Variants in MACF1 observed in about 807,000 individuals in gnomAD.
MACF1 encodes the protein microtubule actin crosslinking factor 1, also known as microtubule-actin cross-linking factor 1.
MACF1 carries 193 observed loss-of-function variants against 854.8 expected under a neutral mutation model. The observed-to-expected ratio is 0.23, with a 90% CI of 0.20 to 0.25. The LOEUF is 0.25. Among genes scored for constraint, MACF1 ranks in the 10% least tolerant of loss-of-function variants. The probability of loss-of-function intolerance (pLI) is 1.00; values close to 1 mark genes in which losing one functional copy is unlikely to be tolerated. For synonymous variants in MACF1, 3,185 were observed against 3,226.7 expected (o/e 0.99, Z 0.44); for missense variants, 7,722 against 8,929.1 (o/e 0.86, Z 5.45).
intron 2 of MACF1, chr1:39,103,779 C>G (rs1450236321): frequency 6.6e-6 from 1 of 152,194 alleles, no homozygotes; most frequent in East Asian, 1.9e-4. Context: ...CCTGCATGAT[C>G]TTCATGCCCA....
chr1:39,245,948 A>C (rs1043654617), intron 2 of MACF1, among the ~76,000 whole-genome samples: 1 of 152,206 alleles, frequency 6.6e-6, no homozygotes, highest in African/African-American at 2.4e-5. Flanking sequence ...CTCTTGAGAA[A>C]TAGTCTCACA....
chr1:39,444,911 G>C, intron 80 of MACF1, 76 bp downstream of exon 80: 1 of 1,394,388 alleles, frequency 7.2e-7, no homozygotes, highest in East Asian at 2.4e-5. Context: ...TTATTTATAT[G>C]AAGATTTTTT....
At chr1:39,308,646 A>G (rs1646237471) in intron 23 of MACF1, among the ~76,000 whole-genome samples, 1 of 150,498 alleles carries the variant, frequency 6.6e-6, no homozygotes, top group Admixed American at 6.6e-5. Flanking sequence ...AACCCTTCAT[A>G]CTTCAGTTTT....
At chr1:39,445,526 A>G (rs1017440672) in intron 80 of MACF1, among the ~76,000 whole-genome samples, 1 of 152,240 alleles carries the variant, frequency 6.6e-6, no homozygotes, top group African/African-American at 2.4e-5. Flanking sequence ...AGACGACCCT[A>G]TCTTTGGGAA....
rs149094928 is a variant in MACF1, at chr1:39,157,267, G to A, written c.220+72829G>A. 5.1e-3 allele frequency among the ~76,000 whole-genome samples: 784 copies of A among 152,254 alleles called. 4 individuals carry two copies. Among genetic ancestry groups the A allele is most frequent in the African/African-American group, 0.018 (747 of 41,552 alleles). On this transcript the variant is annotated intron_variant, in intron 2 of 93. Transcript: ENST00000361689. ...TTACAGGTGTGAGCCACCACACCCAGCCCCTTTCCATTATCTTAGCAGCTG... is the reference window on the plus strand; with the variant it reads ...TTACAGGTGTGAGCCACCACACCCAACCCCTTTCCATTATCTTAGCAGCTG...
chr1:39,176,616 T>C (rs945579271), intron 2 of MACF1, among the ~76,000 whole-genome samples: 2 of 152,200 alleles, frequency 1.3e-5, no homozygotes, highest in Non-Finnish European at 1.5e-5. Flanking sequence ...GAGCTAGATA[T>C]GAATTCTTGT....
At chr1:39,400,587 G>A (rs1040380059) in intron 58 of MACF1, among the ~76,000 whole-genome samples, 7 of 151,704 alleles carry the variant, frequency 4.6e-5, no homozygotes, top group African/African-American at 1.7e-4. Context: ...GCTCACTGCA[G>A]CCTCAACCTC....
chr1:39,318,843 A>G (rs996093301), intron 30 of MACF1, among the ~76,000 whole-genome samples: 1 of 152,160 alleles, frequency 6.6e-6, no homozygotes, highest in African/African-American at 2.4e-5. Context: ...TATTGAAACC[A>G]CTAGATGGAC....
At chr1:39,244,084 T>C (rs1644954212) in intron 2 of MACF1, among the ~76,000 whole-genome samples, 1 of 151,916 alleles carries the variant, frequency 6.6e-6, no homozygotes, top group South Asian at 2.1e-4. Flanking sequence ...TCTTTGATAG[T>C]TTTATTTATT....
At chr1:39,292,918 A>G (rs770693394) in intron 17 of MACF1, 75 bp downstream of exon 17, 88 of 1,251,504 alleles carry the variant, frequency 7.0e-5, no homozygotes, top group Non-Finnish European at 9.6e-5. Context: ...TCCGTAATTC[A>G]GAAATCTCCT....
chr1:39,410,550 G>A lies in MACF1; in HGVS notation c.15817-11824G>A, dbSNP rs767925198. 10 of 1,614,062 alleles carry A rather than the reference G, an allele frequency of 6.2e-6. No homozygotes were observed. The South Asian group carries it at 9.9e-5, about 16-fold the overall frequency. On this transcript the variant is annotated intron_variant, in intron 58 of 100. Coordinates refer to ENST00000564288, the MANE Select transcript of MACF1 (RefSeq NM_001394062.1). ...CACCAGAAGGTAAGAAGCTGGATGA[G>A]AGGATAATATTTGATGCACTAAAGC...
intron 56 of MACF1, 99 bp from the exon 57 acceptor site, chr1:39,385,335 T>C (rs1164948312): frequency 7.5e-7 from 1 of 1,340,444 alleles, no homozygotes; most frequent in Non-Finnish European, 1.0e-6. Flanking sequence ...CCCAAAGTGC[T>C]GCGATTACAG....
chr1:39,234,375 G>A (rs1036745803), intron 2 of MACF1, among the ~76,000 whole-genome samples: 1 of 151,362 alleles, frequency 6.6e-6, no homozygotes, highest in African/African-American at 2.4e-5. Flanking sequence ...GCCGGGCAGA[G>A]GCGCCCCTCA....
At chr1:39,239,246 A>G (rs750834910) in intron 2 of MACF1, among the ~76,000 whole-genome samples, 1 of 152,010 alleles carries the variant, frequency 6.6e-6, no homozygotes, top group Admixed American at 6.6e-5. Flanking sequence ...GTGCCACCGC[A>G]CTCCAGCGTG....
chr1:39,228,854 A>G (rs961495157), intron 1 of MACF1, among the ~76,000 whole-genome samples: 4 of 152,070 alleles, frequency 2.6e-5, no homozygotes, highest in Non-Finnish European at 4.4e-5. Context: ...GGGTTTCACC[A>G]TGTTGGTCAG....
rs749776066 is a variant in MACF1, at chr1:39,334,296, C to T, written c.7708C>T (p.Leu2570=). ...AIKLDLITSD[L]KREIQEVQAF... ...AAAATTAGATCTTATTACCTCAGAC[C>T]TGAAAAGAGAAATCCAGGAGGTTCA... The change falls in exon 37 of 101, where the codon CTG becomes TTG. Residue 2570 remains leucine, a synonymous_variant. Transcript: ENST00000564288. 3 of 1,614,064 alleles carry T rather than the reference C, an allele frequency of 1.9e-6. No individual in the cohort carries two copies. In the South Asian group the frequency reaches 3.3e-5, roughly 18 times the overall value.
intron 6 of MACF1, among the ~76,000 whole-genome samples, chr1:39,279,730 TCCTATTTTAAATATGGGGA>T (rs1645506944): frequency 6.6e-6 from 1 of 152,188 alleles, no homozygotes; most frequent in African/African-American, 2.4e-5. Flanking sequence ...AAAGTTATTA[TCCTATTTTAAATATGGGGA>T]AAATTGGGCC....
chr1:39,463,841 C>G (rs1242361279), intron 94 of MACF1, 155 bp downstream of exon 94: 3 of 601,728 alleles, frequency 5.0e-6, no homozygotes, highest in African/African-American at 3.7e-5. Flanking sequence ...TGTCAGGTAC[C>G]CTGTTACATC....
intron 97 of MACF1, among the ~76,000 whole-genome samples, chr1:39,476,140 T>C (rs1313994248): frequency 1.3e-5 from 2 of 152,260 alleles, no homozygotes; most frequent in Admixed American, 6.5e-5. Context: ...TATACTCATA[T>C]TATTTTGGAG....
Sources: allele counts gnomAD v4.1 joint callset (sites outside exome capture counted in the v4.1 genomes callset), GRCh38; gene constraint gnomAD v4.1.1; transcripts MANE v1.5; gene names NCBI Gene and HGNC (gene_info 2026-07-23, HGNC 2026-07-21).